ATG5: variants seen among roughly 807,000 people sequenced by gnomAD.
The protein encoded by ATG5 is autophagy protein 5.
Under a neutral mutation model 36.5 loss-of-function variants are expected in ATG5, and 14 were observed. The ratio of observed to expected loss-of-function variants is 0.38; its 90% CI spans 0.25 to 0.60. The LOEUF is 0.60. ATG5 is among the 20% of genes least tolerant of loss of function. The pLI is 0.60. For synonymous variants in ATG5, 95 were observed against 101.5 expected (o/e 0.94, Z 0.38); for missense variants, 195 against 326.7 (o/e 0.60, Z 3.11).
intron 5 of ATG5, among the ~76,000 whole-genome samples, chr6:106,278,494 A>G (rs137896844): frequency 2.6e-5 from 4 of 152,276 alleles, no homozygotes; most frequent in African/African-American, 9.6e-5. Flanking sequence ...TGTCACAACT[A>G]CTTTCCTTAT....
intron 7 of ATG5, among the ~76,000 whole-genome samples, chr6:106,191,320 T>C (rs1189218435): frequency 6.6e-6 from 1 of 152,096 alleles, no homozygotes; most frequent in African/African-American, 2.4e-5. Flanking sequence ...CTTTTGCTAA[T>C]GTGGGATTGA....
intron 7 of ATG5, among the ~76,000 whole-genome samples, chr6:106,193,896 G>A (rs1776071034): frequency 6.6e-6 from 1 of 152,148 alleles, no homozygotes; most frequent in Non-Finnish European, 1.5e-5. Context: ...TATTATTTTG[G>A]TAAGAGAATT....
chr6:106,202,393 A>G (rs1158109986), intron 6 of ATG5: 2 of 213,776 alleles, frequency 9.4e-6, no homozygotes, highest in African/African-American at 4.6e-5. Flanking sequence ...TATCAACAAA[A>G]GCATTTTTTC....
Position 106,236,629 on chromosome 6 carries a change from AT to A in ATG5, c.573+11520del, listed in dbSNP as rs1777915349. On this transcript the variant is annotated intron_variant, in intron 6 of 7. Coordinates refer to ENST00000369076, the MANE Select transcript of ATG5 (RefSeq NM_004849.4). Reference sequence around the variant, plus strand: ...TTTCATGTGCTTATTAGCCATTCCTATATCTTTTGTGAAATAGTTAACTTAA... The same window carrying A: ...TTTCATGTGCTTATTAGCCATTCCTAATCTTTTGTGAAATAGTTAACTTAA... 3.3e-5 allele frequency among the ~76,000 whole-genome samples: 5 copies of A among 152,176 alleles called. No homozygotes were observed. The South Asian group carries it at 1.0e-3, about 31-fold the overall frequency.
chr6:106,294,020 G>A (rs893824752), intron 3 of ATG5, among the ~76,000 whole-genome samples: 1 of 147,838 alleles, frequency 6.8e-6, no homozygotes, highest in Admixed American at 6.8e-5. Flanking sequence ...CTTACCATTT[G>A]AGCATCACAA....
At chr6:106,242,740 T>G (rs1276097230) in intron 6 of ATG5, among the ~76,000 whole-genome samples, 2 of 152,188 alleles carry the variant, frequency 1.3e-5, no homozygotes, top group Non-Finnish European at 2.9e-5. Context: ...TGTGTATCTT[T>G]TTGAAATGAC....
chr6:106,230,833 T>C (rs981379836), intron 6 of ATG5, among the ~76,000 whole-genome samples: 2 of 152,170 alleles, frequency 1.3e-5, no homozygotes, highest in Admixed American at 6.6e-5. Context: ...GCATAAATTA[T>C]AACACCATCT....
intron 6 of ATG5, among the ~76,000 whole-genome samples, chr6:106,230,425 G>A (rs751067414): frequency 6.6e-6 from 1 of 152,134 alleles, no homozygotes; most frequent in Non-Finnish European, 1.5e-5. Context: ...TGGGCACGCT[G>A]GTAAAGGACC....
intron 7 of ATG5, among the ~76,000 whole-genome samples, chr6:106,199,572 CAAGT>C (rs1409073432): frequency 6.6e-6 from 1 of 152,066 alleles, no homozygotes; most frequent in East Asian, 1.9e-4. Flanking sequence ...AGATTAGCTA[CAAGT>C]AAGTACAAGG....
At chr6:106,222,886 C>G (rs1425615911) in intron 6 of ATG5, among the ~76,000 whole-genome samples, 4 of 152,116 alleles carry the variant, frequency 2.6e-5, no homozygotes. Flanking sequence ...TAAAACAGTA[C>G]CTGGTATTCA....
At chr6:106,250,796 T>C (rs894353887) in intron 5 of ATG5, among the ~76,000 whole-genome samples, 2 of 152,178 alleles carry the variant, frequency 1.3e-5, no homozygotes, top group Non-Finnish European at 2.9e-5. Flanking sequence ...AAAAGTAAAC[T>C]GGAAAAAGAA....
At chr6:106,226,627 T>G (rs1777462276) in intron 6 of ATG5, among the ~76,000 whole-genome samples, 1 of 152,234 alleles carries the variant, frequency 6.6e-6, no homozygotes, top group Non-Finnish European at 1.5e-5. Context: ...TACAGATTAG[T>G]TCTGTCTGGT....
intron 6 of ATG5, among the ~76,000 whole-genome samples, chr6:106,217,152 CA>C (rs1385278731): frequency 1.3e-5 from 2 of 151,924 alleles, no homozygotes; most frequent in Admixed American, 6.6e-5. Context: ...CCCAAAACAA[CA>C]AAGATCAGAG....
intron 6 of ATG5, among the ~76,000 whole-genome samples, chr6:106,205,299 A>G (rs999853277): frequency 2.6e-5 from 4 of 152,250 alleles, no homozygotes; most frequent in African/African-American, 9.6e-5. Flanking sequence ...TACCTCCCGC[A>G]GTCCAACCTG....
chr6:106,261,316 T>C (rs1562242763), intron 5 of ATG5, among the ~76,000 whole-genome samples: 1 of 152,196 alleles, frequency 6.6e-6, no homozygotes, highest in Admixed American at 6.5e-5. Context: ...TATGGTTAAG[T>C]TTGCAATGAG....
intron 1 of ATG5, among the ~76,000 whole-genome samples, chr6:106,317,139 T>C (rs1184443676): frequency 6.6e-6 from 1 of 152,204 alleles, no homozygotes; most frequent in African/African-American, 2.4e-5. Context: ...AATGCTAATA[T>C]TCTGCAACTG....
intron 5 of ATG5, among the ~76,000 whole-genome samples, chr6:106,249,812 T>C (rs950723796): frequency 6.6e-6 from 1 of 152,226 alleles, no homozygotes; most frequent in Non-Finnish European, 1.5e-5. Flanking sequence ...CTGGCAGGCA[T>C]CAAGAAGTAT....
intron 6 of ATG5, among the ~76,000 whole-genome samples, chr6:106,228,217 T>A (rs1038017883): frequency 1.3e-4 from 20 of 152,140 alleles, no homozygotes; most frequent in African/African-American, 4.6e-4. Context: ...ACTCTTCTGG[T>A]CCGTGTTTGT....
chr6:106,303,195 G>C (rs1770285665), intron 3 of ATG5, among the ~76,000 whole-genome samples: 1 of 151,620 alleles, frequency 6.6e-6, no homozygotes, highest in South Asian at 2.1e-4. Flanking sequence ...AAAAAAATAA[G>C]TAAAATTGGT....
Sources: allele counts gnomAD v4.1 joint callset (sites outside exome capture counted in the v4.1 genomes callset), GRCh38; gene constraint gnomAD v4.1.1; transcripts MANE v1.5; gene names NCBI Gene and HGNC (gene_info 2026-07-23, HGNC 2026-07-21).